Variants in C5 observed in about 807,000 individuals in gnomAD.
C5 encodes the protein complement C5.
C5 carries 140 observed loss-of-function variants against 218.8 expected under a neutral mutation model. The observed-to-expected ratio is 0.64, with a 90% confidence interval of 0.56 to 0.74. The LOEUF is 0.74. Among genes scored for constraint, C5 ranks in the 30% least tolerant of loss-of-function variants. The probability of loss-of-function intolerance (pLI) is 0.00; values close to 1 mark genes in which losing one functional copy is unlikely to be tolerated. For synonymous variants in C5, 614 were observed against 682.3 expected (o/e 0.90, Z 1.56); for missense variants, 1,700 against 1,969.6 (o/e 0.86, Z 2.59).
At chr9:121,068,548 T>C in the C5 span, among the ~76,000 whole-genome samples, 4 of 152,160 alleles carry the variant, frequency 2.6e-5, no homozygotes, top group Admixed American at 6.5e-5. Flanking sequence ...AAAATGACCA[T>C]ACTACTCAAA....
intron 20 of C5, among the ~76,000 whole-genome samples, chr9:121,001,890 T>C (rs761403797): frequency 2.0e-5 from 3 of 151,994 alleles, no homozygotes; most frequent in Non-Finnish European, 4.4e-5. Context: ...GAAATATACA[T>C]GTAGGAAGAT....
intron 9 of C5, 147 bp downstream of exon 9, chr9:121,025,307 C>T: frequency 1.0e-6 from 1 of 992,034 alleles, no homozygotes; most frequent in Non-Finnish European, 1.3e-6. Context: ...TAAAAGTCTA[C>T]TTCTTATAAT....
intron 17 of C5, 126 bp downstream of exon 17, chr9:121,013,747 C>T (rs2047282444): frequency 3.4e-6 from 3 of 892,026 alleles, no homozygotes; most frequent in Admixed American, 2.2e-5. Context: ...TTCTTATGGA[C>T]ATTTACAAGT....
At chr9:120,977,331 G>T (rs553076079) in intron 28 of C5, among the ~76,000 whole-genome samples, 12 of 152,136 alleles carry the variant, frequency 7.9e-5, no homozygotes, top group Non-Finnish European at 1.6e-4. Context: ...GTTTAGACTT[G>T]AGTCCCATCC....
intron 39 of C5, among the ~76,000 whole-genome samples, chr9:120,955,246 T>C (rs1031050117): frequency 9.2e-5 from 14 of 152,194 alleles, no homozygotes; most frequent in African/African-American, 3.4e-4. Flanking sequence ...GGGCCCAGAA[T>C]GAGGAGATGA....
Position 121,014,019 on chromosome 9 carries a change from C to T in C5, c.2111G>A (p.Cys704Tyr), listed in dbSNP as rs902889111. ...VVKKCCYDGA[C>Y]VNNDETCEQR... ...CTCACAGGTTTCATCATTATTAACG[C>T]AGGCTCCATCGTAACAACATTTCTT... The change falls in exon 17 of 41, where the codon TGC becomes TAC. Residue 704 changes from cysteine (C) to tyrosine (Y), a missense_variant. Coordinates refer to ENST00000223642, the MANE Select transcript of C5 (RefSeq NM_001735.3). 2.5e-6 allele frequency: 4 copies of T among 1,614,194 alleles called. No individual in the cohort carries two copies. In the Middle Eastern group the frequency reaches 4.9e-4, roughly 200 times the overall value.
intron 28 of C5, among the ~76,000 whole-genome samples, chr9:120,977,892 A>G (rs2046964900): frequency 6.6e-6 from 1 of 152,192 alleles, no homozygotes; most frequent in Non-Finnish European, 1.5e-5. Context: ...CAATTTCCTA[A>G]TACCTATAGT....
the C5 span, among the ~76,000 whole-genome samples, chr9:121,061,043 C>T: frequency 1.3e-5 from 2 of 152,118 alleles, no homozygotes; most frequent in Admixed American, 6.5e-5. Context: ...CAAAAATTAG[C>T]TGGGTGTGGT....
intron 12 of C5, among the ~76,000 whole-genome samples, chr9:121,018,324 A>G (rs1305692580): frequency 4.6e-5 from 7 of 150,634 alleles, no homozygotes; most frequent in Non-Finnish European, 7.4e-5. Context: ...CTGTAATCCC[A>G]GAAGTTTGGG....
In C5 at chr9:120,996,272, G is replaced by C; in HGVS notation, c.2819C>G (p.Ser940Cys). The change falls in exon 22 of 41, where the codon TCT becomes TGT. Residue 940 changes from serine (S) to cysteine (C), a missense_variant. Physicochemically the swap from Ser to Cys is moderately radical, Grantham distance 112. Transcript: ENST00000223642. ...ACCCCTAGGATCCAAAGTAACACCAGAATAGCTTTCCCTTTTGACACCTTC... is the reference window on the plus strand; with the variant it reads ...ACCCCTAGGATCCAAAGTAACACCACAATAGCTTTCCCTTTTGACACCTTC... Reference protein sequence around the residue: ...VPEGVKRESYSGVTLDPRGIY... With the variant: ...VPEGVKRESYCGVTLDPRGIY... 1 of 1,612,590 alleles carries C rather than the reference G, an allele frequency of 6.2e-7. No homozygotes were observed. The highest frequency in any genetic ancestry group is 1.7e-5 in the Admixed American group (1 of 60,024).
At chr9:121,061,292 TC>T in the C5 span, among the ~76,000 whole-genome samples, 1 of 152,176 alleles carries the variant, frequency 6.6e-6, no homozygotes, top group African/African-American at 2.4e-5. Context: ...CATCTCTTAT[TC>T]AAAAAAGCAG....
intron 33 of C5, among the ~76,000 whole-genome samples, chr9:120,964,875 G>T (rs1324385644): frequency 6.6e-6 from 1 of 152,110 alleles, no homozygotes; most frequent in East Asian, 1.9e-4. Flanking sequence ...TAATTCCCAG[G>T]CTTTGGTTTT....
chr9:121,062,556 T>C, the C5 span, among the ~76,000 whole-genome samples: 1 of 152,104 alleles, frequency 6.6e-6, no homozygotes, highest in Non-Finnish European at 1.5e-5. Flanking sequence ...TCTCCTCTAA[T>C]AACACAAGGC....
the C5 span, among the ~76,000 whole-genome samples, chr9:121,058,208 A>C: frequency 8.5e-5 from 13 of 152,228 alleles, no homozygotes; most frequent in Non-Finnish European, 1.8e-4. Flanking sequence ...TTGCTAAATT[A>C]TCTCTTATCT....
chr9:120,972,206 TGA>T (rs1272385360), intron 30 of C5, among the ~76,000 whole-genome samples: 1 of 152,198 alleles, frequency 6.6e-6, no homozygotes, highest in African/African-American at 2.4e-5. Context: ...ATAAGATGTC[TGA>T]GATCTCCTGA....
At position 121,027,229 on chromosome 9, in the gene C5, TG is replaced by T; in HGVS notation, c.803del (p.Thr268AsnfsTer4). On this transcript the variant is annotated frameshift_variant, in exon 8 of 41. Coordinates refer to ENST00000223642, the MANE Select transcript of C5 (RefSeq NM_001735.3). LOFTEE classifies it high-confidence loss of function. Reference protein sequence around the residue: ...KVVTEADVYITFGIREDLKDD... With the variant: ...KVVTEADVYIXFGIREDLKDD... ...CTTTTAAGTCTTCTCTTATTCCAAA[TG>T]TGATATAAACGTCAGCCTCAGTGAC... 1 of 1,602,538 alleles carries T rather than the reference TG, an allele frequency of 6.2e-7. No individual in the cohort carries two copies. Among genetic ancestry groups the T allele is most frequent in the Non-Finnish European group, 8.5e-7 (1 of 1,170,806 alleles).
intron 31 of C5, among the ~76,000 whole-genome samples, chr9:120,971,631 G>T (rs1190927647): frequency 2.0e-5 from 3 of 152,178 alleles, no homozygotes; most frequent in African/African-American, 7.2e-5. Flanking sequence ...TACAGACGGG[G>T]TTTCACCGTG....
the C5 span, among the ~76,000 whole-genome samples, chr9:121,066,196 C>A: frequency 6.6e-6 from 1 of 151,426 alleles, no homozygotes; most frequent in African/African-American, 2.4e-5. Flanking sequence ...CCTGTAGTCC[C>A]AGCTACTCAG....
rs544505167 is a variant in C5, at chr9:121,018,509, G to GGTT, written c.1507-660_1507-658dup. Among the ~76,000 whole-genome samples the GGTT allele has an allele frequency of 3.0e-4, 45 of 151,086 alleles. No individual in the cohort carries two copies. The East Asian group carries it at 7.8e-3, about 26-fold the overall frequency. ...GAATTGCTTGAACTTGGGAGGCAGA[G>GGTT]GTTGCAGTGAGTCGAAATCATGCCA... On this transcript the variant is annotated intron_variant, in intron 12 of 40. Transcript: ENST00000223642.
Sources: gnomAD v4.1 joint callset for allele counts (sites outside exome capture counted in the v4.1 genomes callset) on GRCh38, gnomAD v4.1.1 for gene constraint, MANE v1.5 for transcripts, NCBI Gene and HGNC (gene_info 2026-07-23, HGNC 2026-07-21) for gene names.